The following WNK2 variants were observed in gnomAD, a reference collection of about 807,000 sequenced individuals.
WNK2 encodes WNK lysine deficient protein kinase 2, also known as serine/threonine-protein kinase WNK2.
Under a neutral mutation model 192.1 loss-of-function variants are expected in WNK2, and 67 were observed. That is an observed-to-expected ratio of 0.35 (90% CI 0.29 to 0.43). The LOEUF (loss-of-function observed/expected upper bound fraction) is 0.43, where lower values mean the gene tolerates loss of function less well. WNK2 is among the 20% of genes least tolerant of loss of function. The pLI is 1.00. For synonymous variants in WNK2, 1,439 were observed against 1,393.9 expected, an observed-to-expected ratio of 1.03 and a Z score of -0.72; for missense variants, 2,698 against 3,089.7, an observed-to-expected ratio of 0.87 and a Z score of 3.01.
chr9:93,303,629 C>T (rs1030573895), intron 26 of WNK2, among the ~76,000 whole-genome samples: 2 of 152,204 alleles, frequency 1.3e-5, no homozygotes, highest in Non-Finnish European at 2.9e-5. Context: ...GCACTGCGCC[C>T]ACCAGGCCCT....
rs58293954 is a variant in WNK2, at chr9:93,249,907, A to ATTTTTTTT, written c.1834+2092_1834+2099dup. ...TCCCTAGAGGCAACAGATGCTACCA[A>ATTTTTTTT]TTTTTTTTTTTTTTTTTTTTTTTTT... is the stretch of plus-strand genomic sequence containing the variant. On this transcript the variant is annotated intron_variant, in intron 8 of 29. Transcript: ENST00000427277. 2.0e-3 allele frequency among the ~76,000 whole-genome samples: 175 copies of ATTTTTTTT among 85,432 alleles called. 19 individuals carry two copies. In the East Asian group the frequency reaches 0.025, roughly 12 times the overall value. 56.0% of individuals were successfully genotyped at this position (85,432 alleles called of 152,430 possible). A position where few individuals can be genotyped will look rare whatever the true frequency, so the allele number is the denominator to read the frequency against.
chr9:93,234,058 G>A (rs984574122), intron 4 of WNK2, among the ~76,000 whole-genome samples: 6 of 152,182 alleles, frequency 3.9e-5, no homozygotes, highest in African/African-American at 1.4e-4. Flanking sequence ...TTGCCCTGGG[G>A]GTTTGGTTTT....
At chr9:93,269,415 T>C (rs998523131) in intron 19 of WNK2, among the ~76,000 whole-genome samples, 3 of 152,214 alleles carry the variant, frequency 2.0e-5, no homozygotes, top group African/African-American at 7.2e-5. Flanking sequence ...TGTAAATCAT[T>C]TTTAATTTTA....
intron 27 of WNK2, 27 bp downstream of exon 27, chr9:93,306,848 G>T (rs757675103): frequency 1.9e-6 from 3 of 1,613,588 alleles, no homozygotes; most frequent in Non-Finnish European, 2.5e-6. Flanking sequence ...TTTCCCCTTT[G>T]TCCTCTCTCA....
intron 2 of WNK2, among the ~76,000 whole-genome samples, chr9:93,214,697 GC>G (rs371026822): frequency 0.15 from 11,515 of 78,232 alleles, 889 homozygotes; most frequent in East Asian, 0.19. Flanking sequence ...TGAAGGTAGT[GC>G]CCCCCCCCCC....
At chr9:93,294,451 A>T (rs566168737) in intron 23 of WNK2, among the ~76,000 whole-genome samples, 7 of 152,194 alleles carry the variant, frequency 4.6e-5, no homozygotes, top group Non-Finnish European at 7.3e-5. Context: ...CAAGGTGGGT[A>T]TGACCTAGAA....
chr9:93,254,117 A>G (rs1842957029), intron 9 of WNK2, among the ~76,000 whole-genome samples: 2 of 152,134 alleles, frequency 1.3e-5, no homozygotes, highest in South Asian at 4.1e-4. Flanking sequence ...AGGTTTCACC[A>G]TGTTGGCCAG....
chr9:93,219,647 C>T (rs1043804448), intron 2 of WNK2, among the ~76,000 whole-genome samples: 5 of 152,214 alleles, frequency 3.3e-5, no homozygotes, highest in South Asian at 4.1e-4. Context: ...ATCTGGGACA[C>T]GCAGTGCTGA....
chr9:93,263,849 G>T lies in WNK2; in HGVS notation c.3580-68G>T, dbSNP rs1188733220. The T allele has an allele frequency of 3.9e-6, 5 of 1,288,066 alleles. No homozygotes were observed. In the African/African-American group the frequency reaches 4.8e-5, roughly 12 times the overall value. The allele number at this position is 1,288,066 out of a possible 1,614,324, so 79.8% of individuals were successfully genotyped here. On this transcript the variant is annotated intron_variant, in intron 15 of 29. Transcript: ENST00000427277. ...GGGTGGGGGGGAGGGGTACTTGGGG[G>T]TGTGTGGGGGTGTGGCGGGTGCACG...
At chr9:93,315,201 T>C (rs2134412283) in intron 28 of WNK2, among the ~76,000 whole-genome samples, 1 of 152,312 alleles carries the variant, frequency 6.6e-6, no homozygotes, top group East Asian at 1.9e-4. Flanking sequence ...CACTGACAGC[T>C]CTGCTCTTCT....
chr9:93,239,157 C>T lies in WNK2; in HGVS notation c.1323-600C>T, dbSNP rs139408442. Among the ~76,000 whole-genome samples the T allele has an allele frequency of 5.6e-4, 85 of 152,328 alleles. 1 individual carries two copies. The East Asian group carries it at 0.011, about 20-fold the overall frequency. On this transcript the variant is annotated intron_variant, in intron 6 of 29. Coordinates refer to ENST00000427277, the MANE Select transcript of WNK2 (RefSeq NM_006648.4). This position sits in a 1 kb window ranked among gnomAD's most constrained non-coding sequence, Gnocchi z 4.2. ...GTCACCATGGCAACACCCTGTGGCCCGCCCTCCCGGATCCCTGCAAAGAGC... is the reference window on the plus strand; with the variant it reads ...GTCACCATGGCAACACCCTGTGGCCTGCCCTCCCGGATCCCTGCAAAGAGC...
At chr9:93,220,058 G>A (rs534645801) in intron 2 of WNK2, among the ~76,000 whole-genome samples, 1 of 152,354 alleles carries the variant, frequency 6.6e-6, no homozygotes, top group Admixed American at 6.5e-5. Flanking sequence ...GGGAGTCTTG[G>A]TTGTTTAAAG....
intron 12 of WNK2, 132 bp from the exon 13 acceptor site, chr9:93,261,682 C>T: frequency 9.6e-7 from 1 of 1,041,384 alleles, no homozygotes; most frequent in Non-Finnish European, 1.4e-6. Context: ...ACAGGGACTC[C>T]CCTTGGGGAG....
At chr9:93,318,073 G>C in intron 29 of WNK2, 1 of 1,608,480 alleles carries the variant, frequency 6.2e-7, no homozygotes, top group Non-Finnish European at 8.5e-7. Flanking sequence ...TCCTATACTT[G>C]AGTTGATGGT....
chr9:93,284,211 C>T (rs765405321), intron 19 of WNK2, among the ~76,000 whole-genome samples: 21 of 152,116 alleles, frequency 1.4e-4, no homozygotes, highest in Admixed American at 1.4e-3. Context: ...ATCAAACTAG[C>T]GTAACTTTGA....
intron 29 of WNK2, among the ~76,000 whole-genome samples, chr9:93,319,640 C>T (rs767345897): frequency 2.6e-5 from 4 of 152,362 alleles, no homozygotes; most frequent in Non-Finnish European, 5.9e-5. Context: ...CCTGGGGCCA[C>T]CCTCTTTGCT....
chr9:93,293,851 C>A (rs958422900), intron 23 of WNK2, among the ~76,000 whole-genome samples: 1 of 151,922 alleles, frequency 6.6e-6, no homozygotes, highest in East Asian at 1.9e-4. Flanking sequence ...TCTCCCCTTT[C>A]ATTCCTTCTC....
In WNK2 at chr9:93,315,134, A is replaced by C. The variant is rs150346469; in HGVS notation, c.6517-2386A>C. On this transcript the variant is annotated intron_variant, in intron 28 of 29. Coordinates refer to ENST00000427277, the MANE Select transcript of WNK2 (RefSeq NM_006648.4). The stretch of plus-strand genomic sequence containing the variant: ...GACCATACCAGGAAAGCCACGTTTC[A>C]TGTCGCTATAGTTCAAAGAGAGCTT... 1.9e-4 allele frequency among the ~76,000 whole-genome samples: 29 copies of C among 152,258 alleles called. No individual in the cohort carries two copies. The East Asian group carries it at 3.7e-3, about 19-fold the overall frequency.
chr9:93,233,986 G>C (rs1207759328), intron 4 of WNK2, among the ~76,000 whole-genome samples: 7 of 152,150 alleles, frequency 4.6e-5, no homozygotes, highest in Admixed American at 3.9e-4. Flanking sequence ...ATAGAGAATA[G>C]AGAAACCCCA....
Sources: allele counts gnomAD v4.1 joint callset (sites outside exome capture counted in the v4.1 genomes callset), GRCh38; gene constraint gnomAD v4.1.1; non-coding constraint Gnocchi (gnomAD v3.1); transcripts MANE v1.5; gene names NCBI Gene and HGNC (gene_info 2026-07-23, HGNC 2026-07-21).